VAV3: variants seen among roughly 807,000 people sequenced by gnomAD.
VAV3 encodes vav guanine nucleotide exchange factor 3, also known as guanine nucleotide exchange factor VAV3.
Under a neutral mutation model 131.2 loss-of-function variants are expected in VAV3, and 94 were observed. The ratio of observed to expected loss-of-function variants is 0.72; its 90% CI spans 0.61 to 0.85. VAV3 has a LOEUF of 0.85. VAV3 is among the 40% of genes least tolerant of loss of function. VAV3 has a pLI of 0.00. For missense variants in VAV3, 939 were observed against 1,002.7 expected, an observed-to-expected ratio of 0.94 and a Z score of 0.86; for synonymous variants, 349 against 342.0, an observed-to-expected ratio of 1.02 and a Z score of -0.22.
At chr1:107,666,878 C>T (rs1030494575) in intron 19 of VAV3, among the ~76,000 whole-genome samples, 1 of 152,154 alleles carries the variant, frequency 6.6e-6, no homozygotes, top group Non-Finnish European at 1.5e-5. Context: ...GTTTAAGTGA[C>T]TTGAGCAAGG....
chr1:107,573,547 G>C (rs7549255), intron 26 of VAV3, among the ~76,000 whole-genome samples, 175 bp from the exon 27 acceptor site: 2 of 152,016 alleles, frequency 1.3e-5, no homozygotes, highest in African/African-American at 4.8e-5. Context: ...GTAAATGATC[G>C]AAATGGAGGA....
At chr1:107,731,148 C>T (rs191985421) in intron 15 of VAV3, among the ~76,000 whole-genome samples, 1 of 152,218 alleles carries the variant, frequency 6.6e-6, no homozygotes, top group Admixed American at 6.5e-5. Flanking sequence ...AAATCTGAAG[C>T]CATCCTTTAA....
At chr1:107,712,210 G>A (rs1660830174) in intron 15 of VAV3, among the ~76,000 whole-genome samples, 1 of 152,136 alleles carries the variant, frequency 6.6e-6, no homozygotes, top group Non-Finnish European at 1.5e-5. Context: ...ATAAATATGT[G>A]AGAATAGTTG....
intron 20 of VAV3, among the ~76,000 whole-genome samples, chr1:107,626,802 A>T (rs746165225): frequency 1.3e-5 from 2 of 152,218 alleles, no homozygotes; most frequent in African/African-American, 4.8e-5. Flanking sequence ...ACCCAAAGCA[A>T]TGAGTCTTTT....
intron 15 of VAV3, among the ~76,000 whole-genome samples, chr1:107,740,878 C>T (rs1248349599): frequency 1.3e-5 from 2 of 152,164 alleles, no homozygotes; most frequent in East Asian, 3.9e-4. Context: ...TACCATATGG[C>T]CCACAAAGCC....
rs1042893452 is a variant in VAV3, at chr1:107,964,742, A to G, written c.128T>C (p.Leu43Pro). The G allele has an allele frequency of 3.1e-6, 5 of 1,614,114 alleles. No homozygotes were observed. In the Middle Eastern group the frequency reaches 6.6e-4, roughly 213 times the overall value. The change falls in exon 1 of 27, where the codon CTC (leucine) becomes CCC (proline). Residue 43 changes from leucine to proline, a missense_variant. By Grantham distance (98) the Leu-to-Pro change is moderately conservative (BLOSUM62 -3). Coordinates refer to ENST00000370056, the MANE Select transcript of VAV3 (RefSeq NM_006113.5). The stretch of plus-strand genomic sequence containing the variant: ...CCGGAGGTTGTTAAGCAGCTGGCAG[A>G]GCAGGACTCCATCGCGGAGGGTCTG... The part of the protein sequence containing the change: ...LAQTLRDGVL[L>P]CQLLNNLRAH...
intron 20 of VAV3, among the ~76,000 whole-genome samples, chr1:107,624,444 G>GA (rs60555746): frequency 1.3e-4 from 19 of 146,892 alleles, no homozygotes; most frequent in South Asian, 8.7e-4. Flanking sequence ...TTTAATGATA[G>GA]AAAAAAAAAA....
At position 107,575,288 on chromosome 1, in the gene VAV3, A is replaced by G. The variant is rs117304322; in HGVS notation, c.2351-1090T>C. Among the ~76,000 whole-genome samples, 133 of 152,310 alleles carry G rather than the reference A, an allele frequency of 8.7e-4. 2 individuals carry two copies. The East Asian group carries it at 0.024, about 28-fold the overall frequency. ...AATGGTAAAGGAACTTAAGTGTAAG[A>G]AAAAGAGACAAATGGGAAACACCAA... On this transcript the variant is annotated intron_variant, in intron 25 of 26. Coordinates refer to ENST00000370056, the MANE Select transcript of VAV3 (RefSeq NM_006113.5).
intron 1 of VAV3, among the ~76,000 whole-genome samples, chr1:107,940,059 A>C (rs895654959): frequency 1.2e-4 from 19 of 152,206 alleles, no homozygotes; most frequent in Non-Finnish European, 2.6e-4. Flanking sequence ...TACAAAGTCC[A>C]ACAATATTAA....
At chr1:107,914,287 G>A (rs1266691481) in intron 1 of VAV3, among the ~76,000 whole-genome samples, 1 of 152,208 alleles carries the variant, frequency 6.6e-6, no homozygotes, top group Non-Finnish European at 1.5e-5. Context: ...GCTGACGCAA[G>A]AACCTCAGTT....
At chr1:107,587,758 T>G (rs1650615623) in intron 25 of VAV3, among the ~76,000 whole-genome samples, 1 of 152,024 alleles carries the variant, frequency 6.6e-6, no homozygotes, top group Non-Finnish European at 1.5e-5. Flanking sequence ...ACCGGGCTAA[T>G]TTTTTGTATT....
intron 2 of VAV3, among the ~76,000 whole-genome samples, chr1:107,791,137 A>G (rs1055820614): frequency 3.9e-5 from 6 of 152,118 alleles, no homozygotes; most frequent in African/African-American, 1.4e-4. Flanking sequence ...AACTCTGGGC[A>G]TGTTTGCTGT....
At chr1:107,706,799 C>T (rs371525481) in intron 15 of VAV3, among the ~76,000 whole-genome samples, 3 of 152,066 alleles carry the variant, frequency 2.0e-5, no homozygotes, top group Non-Finnish European at 4.4e-5. Flanking sequence ...CCTGGCAACC[C>T]GAAAAATTCA....
At chr1:107,833,914 G>A (rs760508235) in intron 2 of VAV3, among the ~76,000 whole-genome samples, 3 of 152,132 alleles carry the variant, frequency 2.0e-5, no homozygotes, top group Non-Finnish European at 4.4e-5. Flanking sequence ...ATGCTTACTC[G>A]CATGCAATTT....
intron 21 of VAV3, among the ~76,000 whole-genome samples, chr1:107,612,873 C>G (rs1341688097): frequency 6.6e-6 from 1 of 152,122 alleles, no homozygotes; most frequent in Non-Finnish European, 1.5e-5. Flanking sequence ...AGGTTTCTAT[C>G]TGAATTTTAG....
chr1:107,770,771 T>C (rs1664997857), intron 5 of VAV3, 43 bp from the exon 6 acceptor site: 7 of 1,480,294 alleles, frequency 4.7e-6, no homozygotes, highest in Middle Eastern at 2.0e-4. Context: ...AATAAAATCA[T>C]ATATTAACCT....
rs191543912 is a variant in VAV3 at position 107,628,117 on chromosome 1, G to A, written c.1915-10485C>T. Reference sequence around the variant, plus strand: ...GTATTGTGCCTTGATGATAAGGAAGGATTTAGCTGACAGAACGGGGGTGAA... The same window carrying A: ...GTATTGTGCCTTGATGATAAGGAAGAATTTAGCTGACAGAACGGGGGTGAA... On this transcript the variant is annotated intron_variant, in intron 20 of 26. Transcript: ENST00000370056. Among the ~76,000 whole-genome samples the A allele has an allele frequency of 3.5e-3, 537 of 152,266 alleles. 2 individuals are homozygous for A. The highest frequency in any genetic ancestry group is 6.0e-3 in the Non-Finnish European group (407 of 68,012).
At chr1:107,703,426 C>G (rs1360852526) in intron 17 of VAV3, among the ~76,000 whole-genome samples, 1 of 152,160 alleles carries the variant, frequency 6.6e-6, no homozygotes, top group Non-Finnish European at 1.5e-5. Flanking sequence ...ACGGAATGAG[C>G]TCATGCAAGA....
At chr1:107,930,017 A>G (rs951300203) in intron 1 of VAV3, among the ~76,000 whole-genome samples, 2 of 152,150 alleles carry the variant, frequency 1.3e-5, no homozygotes, top group African/African-American at 4.8e-5. Flanking sequence ...GATAGAGAAT[A>G]GAAGGATAGT....
Sources: allele counts gnomAD v4.1 joint callset (sites outside exome capture counted in the v4.1 genomes callset), GRCh38; gene constraint gnomAD v4.1.1; transcripts MANE v1.5; gene names NCBI Gene and HGNC (gene_info 2026-07-23, HGNC 2026-07-21).